The following WWP2 variants were observed in gnomAD, a reference collection of about 807,000 sequenced individuals.
WWP2 encodes WW domain containing E3 ubiquitin protein ligase 2, also known as NEDD4-like E3 ubiquitin-protein ligase WWP2.
A neutral mutation model predicts 121.0 loss-of-function variants in WWP2; 57 were observed. That is an observed-to-expected ratio of 0.47 (90% CI 0.38 to 0.59). The LOEUF is 0.59. Among genes scored for constraint, WWP2 ranks in the 20% least tolerant of loss-of-function variants. WWP2 has a pLI of 0.00. For synonymous variants in WWP2, 449 were observed against 441.3 expected (o/e 1.02, Z -0.22); for missense variants, 962 against 1,158.9 (o/e 0.83, Z 2.47).
Position 69,799,484 on chromosome 16 carries a change from T to C in WWP2, c.340+189T>C. ...GCCTCCACTACAGAGTTTAGCCCTC[T>C]TTGTCCAGGGCCTCTAGTAATGTGA... is the stretch of plus-strand genomic sequence containing the variant. On this transcript the variant is annotated intron_variant, in intron 4 of 23. Transcript: ENST00000359154. The surrounding 1 kb of genome is among the most constrained non-coding windows in gnomAD (Gnocchi z 4.5). 1.6e-5 allele frequency: 11 copies of C among 698,292 alleles called. No individual in the cohort carries two copies. In the South Asian group the frequency reaches 2.5e-4, roughly 16 times the overall value. The allele number at this position is 698,292 out of a possible 1,614,324, so 43.3% of individuals were successfully genotyped here. A position where few individuals can be genotyped will look rare whatever the true frequency, so the allele number is the denominator to read the frequency against.
At chr16:69,899,256 C>T (rs1432151369) in intron 8 of WWP2, among the ~76,000 whole-genome samples, 2 of 152,076 alleles carry the variant, frequency 1.3e-5, no homozygotes, top group Admixed American at 6.6e-5. Context: ...TTGCCTGTAA[C>T]TTTAGCACTT....
intron 4 of WWP2, chr16:69,827,907 A>C (rs1223461606): frequency 2.2e-6 from 1 of 455,962 alleles, no homozygotes; most frequent in South Asian, 1.5e-5. Context: ...CCTTTTAAAA[A>C]ATTAAAATAT....
intron 6 of WWP2, among the ~76,000 whole-genome samples, chr16:69,845,404 G>C (rs1436196956): frequency 1.3e-5 from 2 of 152,152 alleles, no homozygotes; most frequent in Non-Finnish European, 2.9e-5. Context: ...GCAGTCCTTT[G>C]CTGTCCTTGC....
At chr16:69,825,552 CATT>C (rs1456792892) in intron 4 of WWP2, among the ~76,000 whole-genome samples, 1 of 150,232 alleles carries the variant, frequency 6.7e-6, no homozygotes, top group Non-Finnish European at 1.5e-5. Context: ...TTGATGAGCA[CATT>C]ATTTTTTATT....
chr16:69,786,442 CTTTTT>C (rs957224996), intron 1 of WWP2, among the ~76,000 whole-genome samples: 1 of 85,404 alleles, frequency 1.2e-5, no homozygotes, highest in East Asian at 3.2e-4. Flanking sequence ...CCCAGCCAAT[CTTTTT>C]TTTTTTTTTT....
chr16:69,919,031 A>G (rs2058517136), intron 10 of WWP2, among the ~76,000 whole-genome samples: 1 of 126,422 alleles, frequency 7.9e-6, no homozygotes, highest in East Asian at 2.7e-4. Context: ...TTTAGTAGAG[A>G]TGGGGTTTTG....
rs1457646885 is a variant in WWP2 at position 69,930,239 on chromosome 16, C to T, written c.1426C>T (p.Arg476Cys). ...NTRTTTFKDP[R>C]PGFESGTKQG... ...CCGCACCACCACCTTTAAGGATCCT[C>T]GCCCGGGGTTTGAGTCGGGGTAAGG... Residue 476 changes from arginine (R) to cysteine (C), a missense_variant, in exon 13 of 24, where the codon CGC becomes TGC. By Grantham distance (180) the Arg-to-Cys change is radical. Around this residue, in one of 3 missense-constraint regions of WWP2, gnomAD observed 606 missense variants for 772.6 expected, o/e 0.78. Coordinates refer to ENST00000359154, the MANE Select transcript of WWP2 (RefSeq NM_001270454.2). 2.5e-6 allele frequency: 4 copies of T among 1,613,866 alleles called. No homozygotes were observed. The highest frequency in any genetic ancestry group is 3.4e-6 in the Non-Finnish European group (4 of 1,179,908).
intron 2 of WWP2, among the ~76,000 whole-genome samples, chr16:69,797,467 G>A (rs1230667342): frequency 6.6e-6 from 1 of 152,078 alleles, no homozygotes; most frequent in African/African-American, 2.4e-5. Flanking sequence ...GGTAAAATGG[G>A]GTGATGATAT....
intron 8 of WWP2, among the ~76,000 whole-genome samples, chr16:69,896,080 G>A (rs547839905): frequency 7.9e-5 from 12 of 152,258 alleles, no homozygotes; most frequent in South Asian, 4.1e-4. Flanking sequence ...CACCTTATGT[G>A]TATGTATTCA....
chr16:69,927,353 C>T (rs753992692), intron 11 of WWP2, among the ~76,000 whole-genome samples: 30 of 152,182 alleles, frequency 2.0e-4, no homozygotes, highest in Non-Finnish European at 3.2e-4. Context: ...GGAGAGACCC[C>T]GCATCTTCCC....
At chr16:69,900,676 C>T (rs1190872478) in intron 8 of WWP2, among the ~76,000 whole-genome samples, 1 of 152,040 alleles carries the variant, frequency 6.6e-6, no homozygotes, top group Non-Finnish European at 1.5e-5. Context: ...GTGCGTGCCA[C>T]CATGTCTGCC....
intron 6 of WWP2, among the ~76,000 whole-genome samples, chr16:69,871,438 A>G (rs1242702991): frequency 6.6e-6 from 1 of 152,202 alleles, no homozygotes; most frequent in Non-Finnish European, 1.5e-5. Context: ...TAATGGGGGA[A>G]ATATTTCATC....
rs2058821791 is a variant in WWP2, at chr16:69,937,757, C to T, written c.2343+105C>T. 1 of 1,053,864 alleles carries T rather than the reference C, an allele frequency of 9.5e-7. No homozygotes were observed. Among genetic ancestry groups the T allele is most frequent in the African/African-American group, 1.6e-5 (1 of 63,062 alleles). The allele number at this position is 1,053,864 out of a possible 1,614,324, so 65.3% of individuals were successfully genotyped here. Reference sequence around the variant, plus strand: ...CAAGGACCTTCAGCTTTGGCCCTGTCCTTGCCTCCCACACCTTGCAAAAGG... The same window carrying T: ...CAAGGACCTTCAGCTTTGGCCCTGTTCTTGCCTCCCACACCTTGCAAAAGG... On this transcript the variant is annotated intron_variant, in intron 21 of 23. Transcript: ENST00000359154. The surrounding 1 kb of genome is among the most constrained non-coding windows in gnomAD (Gnocchi z 6.6).
intron 1 of WWP2, among the ~76,000 whole-genome samples, chr16:69,779,821 A>G (rs1250062912): frequency 6.6e-6 from 1 of 152,216 alleles, no homozygotes; most frequent in African/African-American, 2.4e-5. Flanking sequence ...CCCAAGGCTC[A>G]ATTTATAATT....
rs867582987 is a variant in WWP2 at position 69,888,086 on chromosome 16, G to T, written c.751G>T (p.Val251Phe). The change falls in exon 8 of 24, where the codon GTT becomes TTT. Residue 251 changes from valine to phenylalanine, a missense_variant. Physicochemically the swap from Val to Phe is conservative, Grantham distance 50 (BLOSUM62 -1). Around this residue, in one of 3 missense-constraint regions of WWP2, gnomAD observed 211 missense variants for 196.5 expected, o/e 1.07. Coordinates refer to ENST00000359154, the MANE Select transcript of WWP2 (RefSeq NM_001270454.2). ...CACTGATCCCGAAGAACCTTCCGTTGTTGGTGTGACGTCCCCACCTGCTGC... is the reference window on the plus strand; with the variant it reads ...CACTGATCCCGAAGAACCTTCCGTTTTTGGTGTGACGTCCCCACCTGCTGC... ...TATDPEEPSV[V>F]GVTSPPAAPL... is the part of the protein sequence containing the mutation. The T allele has an allele frequency of 1.2e-6, 2 of 1,614,210 alleles. No homozygotes were observed. The highest frequency in any genetic ancestry group is 1.3e-5 in the African/African-American group (1 of 75,044).
chr16:69,762,576 C>G (rs1484754101), intron 1 of WWP2, among the ~76,000 whole-genome samples, 185 bp downstream of exon 1: 1 of 150,790 alleles, frequency 6.6e-6, no homozygotes, highest in Non-Finnish European at 1.5e-5. Context: ...GGCTCCCGCC[C>G]GAGTGGGGTG....
In WWP2 at chr16:69,781,592, C is replaced by T. The variant is rs531517528; in HGVS notation, c.-15-5404C>T. Among the ~76,000 whole-genome samples, 6 of 152,078 alleles carry T rather than the reference C, an allele frequency of 3.9e-5. No individual in the cohort carries two copies. The East Asian group carries it at 5.8e-4, about 15-fold the overall frequency. The stretch of plus-strand genomic sequence containing the variant: ...TTGAACTCCTGAGCACAAGGTGATC[C>T]GCCCGCCTCAGCCTCCCGAAGTGCT... On this transcript the variant is annotated intron_variant, in intron 1 of 23. Transcript: ENST00000359154.
intron 10 of WWP2, among the ~76,000 whole-genome samples, chr16:69,920,078 A>AGT: frequency 6.6e-6 from 1 of 152,246 alleles, no homozygotes; most frequent in East Asian, 1.9e-4. Context: ...TACAGGTGTG[A>AGT]GTCACCACAC....
At chr16:69,888,442 G>A (rs1352221289) in intron 8 of WWP2, among the ~76,000 whole-genome samples, 193 bp downstream of exon 8, 1 of 152,180 alleles carries the variant, frequency 6.6e-6, no homozygotes, top group African/African-American at 2.4e-5. Context: ...TCAGTCGCCT[G>A]GGGCAGAATC....
Sources: allele counts gnomAD v4.1 joint callset (sites outside exome capture counted in the v4.1 genomes callset), GRCh38; gene constraint gnomAD v4.1.1; regional missense constraint gnomAD v4.1.1; non-coding constraint Gnocchi (gnomAD v3.1); transcripts MANE v1.5; gene names NCBI Gene and HGNC (gene_info 2026-07-23, HGNC 2026-07-21).